Variants in CFAP20DC observed in about 807,000 individuals in gnomAD.
CFAP20DC encodes CFAP20 domain containing.
Under a neutral mutation model 101.7 loss-of-function variants are expected in CFAP20DC, and 84 were observed. The ratio of observed to expected loss-of-function variants is 0.83; its 90% confidence interval spans 0.69 to 0.99. The LOEUF is 0.99. CFAP20DC is among the 50% of genes least tolerant of loss of function. CFAP20DC has a pLI of 0.00. For missense variants in CFAP20DC, 1,007 were observed against 970.3 expected, an observed-to-expected ratio of 1.04 and a Z score of -0.50; for synonymous variants, 359 against 351.2, an observed-to-expected ratio of 1.02 and a Z score of -0.25.
chr3:58,774,378 T>C (rs2071132265), intron 15 of CFAP20DC, among the ~76,000 whole-genome samples: 1 of 152,246 alleles, frequency 6.6e-6, no homozygotes, highest in African/African-American at 2.4e-5. Context: ...AAAATTCTTT[T>C]ACACTTTATT....
intron 4 of CFAP20DC, among the ~76,000 whole-genome samples, chr3:59,017,021 G>C (rs1442377598): frequency 6.6e-6 from 1 of 152,070 alleles, no homozygotes; most frequent in East Asian, 1.9e-4. Context: ...GCCCTCAGCT[G>C]CTGTGGCATC....
rs1235069918 is a variant in CFAP20DC, at chr3:59,002,913, A to C, written c.278+36644T>G. Among the ~76,000 whole-genome samples the C allele has an allele frequency of 6.6e-6, 1 of 152,214 alleles. No individual in the cohort carries two copies. The highest frequency in any genetic ancestry group is 1.9e-4 in the East Asian group (1 of 5,198). On this transcript the variant is annotated intron_variant, in intron 4 of 16. Transcript: ENST00000482387. This position sits in a 1 kb window ranked among gnomAD's most constrained non-coding sequence, Gnocchi z 4.5. ...CTAAAGAAACTGAGGCTCCCAGAAA[A>C]TGAAGTCACTTGCCCAAGGTCTTGG...
intron 6 of CFAP20DC, among the ~76,000 whole-genome samples, chr3:58,901,621 C>T (rs2083154793): frequency 6.6e-6 from 1 of 152,134 alleles, no homozygotes; most frequent in South Asian, 2.1e-4. Context: ...GAAAAAAGCA[C>T]TACATCTTAC....
At chr3:58,980,259 T>C (rs2092470786) in intron 4 of CFAP20DC, among the ~76,000 whole-genome samples, 1 of 152,064 alleles carries the variant, frequency 6.6e-6, no homozygotes, top group African/African-American at 2.4e-5. Context: ...CTTAAAAGTT[T>C]CTAGACTACC....
At chr3:58,765,729 T>C (rs914772136) in intron 15 of CFAP20DC, among the ~76,000 whole-genome samples, 10 of 152,144 alleles carry the variant, frequency 6.6e-5, no homozygotes, top group African/African-American at 1.9e-4. Context: ...CTGGGGATCT[T>C]ATATTAGGAA....
At chr3:58,854,971 C>A (rs1163360544) in intron 12 of CFAP20DC, among the ~76,000 whole-genome samples, 10 of 144,668 alleles carry the variant, frequency 6.9e-5, no homozygotes, top group South Asian at 2.4e-4. Flanking sequence ...GCAACAAAAG[C>A]CAAAATTGAC....
intron 4 of CFAP20DC, among the ~76,000 whole-genome samples, chr3:59,011,415 C>A (rs908382948): frequency 1.5e-4 from 22 of 146,758 alleles, no homozygotes; most frequent in Non-Finnish European, 3.1e-4. Context: ...AAAAAAAAGT[C>A]TGAAAGAGCA....
At position 58,892,065 on chromosome 3, in the gene CFAP20DC, C is replaced by A. The variant is rs890607076; in HGVS notation, c.551-7356G>T. On this transcript the variant is annotated intron_variant, in intron 6 of 16. Coordinates refer to ENST00000482387, the MANE Select transcript of CFAP20DC (RefSeq NM_001394063.1). The surrounding 1 kb of genome is among the most constrained non-coding windows in gnomAD (Gnocchi z 4.0). ...CTGATGCATATGGCTAACCAGTTAT[C>A]CCAGCATCATTTATTGAACAGGGAG... 2.0e-5 allele frequency among the ~76,000 whole-genome samples: 3 copies of A among 152,194 alleles called. No homozygotes were observed.
chr3:58,973,255 C>T (rs930993955), intron 4 of CFAP20DC, among the ~76,000 whole-genome samples: 1 of 152,116 alleles, frequency 6.6e-6, no homozygotes, highest in Non-Finnish European at 1.5e-5. Context: ...CAAATGAAAC[C>T]CACCAAAGAC....
At position 58,861,631 on chromosome 3, in the gene CFAP20DC, T is replaced by C; in HGVS notation, c.1593+1927A>G. Reference sequence around the variant, plus strand: ...AGCATTTTTGTTGGTCCTATTTTTGTATCTTAGCTTGTATCTCGTTAGTCT... The same window carrying C: ...AGCATTTTTGTTGGTCCTATTTTTGCATCTTAGCTTGTATCTCGTTAGTCT... On this transcript the variant is annotated intron_variant, in intron 12 of 16. Transcript: ENST00000482387. This position sits in a 1 kb window ranked among gnomAD's most constrained non-coding sequence, Gnocchi z 4.0. 1 of 985,484 alleles carries C rather than the reference T, an allele frequency of 1.0e-6. No homozygotes were observed. The highest frequency in any genetic ancestry group is 1.2e-6 in the Non-Finnish European group (1 of 829,926). The allele number at this position is 985,484 out of a possible 1,614,324, so 61.0% of individuals were successfully genotyped here.
chr3:58,947,553 C>G (rs998876671), intron 4 of CFAP20DC, among the ~76,000 whole-genome samples: 11 of 152,210 alleles, frequency 7.2e-5, no homozygotes, highest in African/African-American at 2.7e-4. Flanking sequence ...ACTGGATCTC[C>G]TTCTGCTTCA....
intron 5 of CFAP20DC, among the ~76,000 whole-genome samples, chr3:58,935,263 G>A (rs1253379993): frequency 7.9e-5 from 12 of 152,084 alleles, no homozygotes; most frequent in African/African-American, 2.2e-4. Context: ...ACTGCTCAAG[G>A]AAATAAAAGA....
intron 14 of CFAP20DC, among the ~76,000 whole-genome samples, chr3:58,807,782 T>C (rs1485652908): frequency 6.6e-6 from 1 of 152,094 alleles, no homozygotes; most frequent in Non-Finnish European, 1.5e-5. Context: ...CAGGAGGAAA[T>C]TCAAACCAAA....
chr3:58,919,102 C>T (rs2107509821), intron 5 of CFAP20DC, among the ~76,000 whole-genome samples: 1 of 152,256 alleles, frequency 6.6e-6, no homozygotes, highest in South Asian at 2.1e-4. Flanking sequence ...CCCAAATAAT[C>T]TGAGAACTCA....
At chr3:58,785,692 G>A (rs565365794) in intron 15 of CFAP20DC, among the ~76,000 whole-genome samples, 1 of 152,002 alleles carries the variant, frequency 6.6e-6, no homozygotes, top group Non-Finnish European at 1.5e-5. Context: ...CTCCCATAAC[G>A]GGTTTGCTTC....
chr3:59,022,268 A>G (rs2093816294), intron 4 of CFAP20DC, among the ~76,000 whole-genome samples: 1 of 152,114 alleles, frequency 6.6e-6, no homozygotes, highest in South Asian at 2.1e-4. Flanking sequence ...TAAGAAGTCC[A>G]GAGCTTTAGT....
chr3:58,761,138 C>T (rs2069544312), intron 15 of CFAP20DC, among the ~76,000 whole-genome samples: 1 of 152,106 alleles, frequency 6.6e-6, no homozygotes, highest in Non-Finnish European at 1.5e-5. Flanking sequence ...ACCTCTGGTA[C>T]AATTCAGCTG....
intron 6 of CFAP20DC, among the ~76,000 whole-genome samples, chr3:58,886,560 TA>T (rs935741126): frequency 2.1e-5 from 3 of 145,374 alleles, no homozygotes; most frequent in Non-Finnish European, 3.0e-5. Flanking sequence ...CATATATCTT[TA>T]AAAAAAAAAC....
rs2084208252 is a variant in CFAP20DC, at chr3:58,912,040, T to C, written c.550+1668A>G. Among the ~76,000 whole-genome samples, 1 of 152,172 alleles carries C rather than the reference T, an allele frequency of 6.6e-6. No homozygotes were observed. Among genetic ancestry groups the C allele is most frequent in the Non-Finnish European group, 1.5e-5 (1 of 68,036 alleles). ...TTTCTTTGCTCTTCTAAGTCATTGCTTAATCTTATAAAATTTACAAACGTC... is the reference window on the plus strand; with the variant it reads ...TTTCTTTGCTCTTCTAAGTCATTGCCTAATCTTATAAAATTTACAAACGTC... On this transcript the variant is annotated intron_variant, in intron 6 of 16. Transcript: ENST00000482387. The surrounding 1 kb of genome is among the most constrained non-coding windows in gnomAD (Gnocchi z 4.4).
Sources: allele counts gnomAD v4.1 joint callset (sites outside exome capture counted in the v4.1 genomes callset), GRCh38; gene constraint gnomAD v4.1.1; non-coding constraint Gnocchi (gnomAD v3.1); transcripts MANE v1.5; gene names NCBI Gene and HGNC (gene_info 2026-07-23, HGNC 2026-07-21).